WBP4: variants seen among roughly 807,000 people sequenced by gnomAD.
WBP4 encodes the protein WW domain binding protein 4, also known as WW domain-binding protein 4.
WBP4 carries 37 observed loss-of-function variants against 55.4 expected under a neutral mutation model. The ratio of observed to expected loss-of-function variants is 0.67; its 90% confidence interval spans 0.51 to 0.88. The LOEUF (loss-of-function observed/expected upper bound fraction) is 0.88, where lower values mean the gene tolerates loss of function less well. Among genes scored for constraint, WBP4 ranks in the 40% least tolerant of loss-of-function variants. The probability of loss-of-function intolerance (pLI) is 0.00; values close to 1 mark genes in which losing one functional copy is unlikely to be tolerated. For missense variants in WBP4, 398 were observed against 420.8 expected, an observed-to-expected ratio of 0.95 and a Z score of 0.47; for synonymous variants, 142 against 140.2, an observed-to-expected ratio of 1.01 and a Z score of -0.09.
Position 41,080,728 on chromosome 13 carries a change from C to G in WBP4, c.839C>G (p.Ser280Ter). Residue 280 changes from serine (S) to a stop codon, truncating the protein, a stop_gained, in exon 9 of 10, where the codon TCA becomes TGA. Transcript: ENST00000379487. LOFTEE classifies it high-confidence loss of function. ...ATTCAGAAACAGAATTCATTAGGTT[C>G]AAATGAAGAAAAATCGAAAACTCTT... is the stretch of plus-strand genomic sequence containing the variant. Reference protein sequence around the residue: ...KSIQKQNSLGSNEEKSKTLKK... With the variant: ...KSIQKQNSLG The G allele has an allele frequency of 6.2e-7, 1 of 1,607,472 alleles. No individual in the cohort carries two copies. The highest frequency in any genetic ancestry group is 8.5e-7 in the Non-Finnish European group (1 of 1,178,374).
At chr13:41,071,131 T>C (rs1878227404) in intron 5 of WBP4, among the ~76,000 whole-genome samples, 1 of 152,228 alleles carries the variant, frequency 6.6e-6, no homozygotes, top group South Asian at 2.1e-4. Context: ...CCATGATACA[T>C]GTTTTTAATT....
intron 1 of WBP4, among the ~76,000 whole-genome samples, chr13:41,061,940 G>T (rs1284399866): frequency 6.6e-6 from 1 of 151,972 alleles, no homozygotes; most frequent in Non-Finnish European, 1.5e-5. Context: ...GGACGGCCGC[G>T]GGTGAAGCGA....
At chr13:41,062,096 G>GTTTTTT (rs60658317) in intron 1 of WBP4, 3,762 of 800,690 alleles carry the variant, frequency 4.7e-3, no homozygotes, top group Non-Finnish European at 5.0e-3. Context: ...TAGCGTAATG[G>GTTTTTT]TTTTTTTTTT....
rs1224739399 is a variant in WBP4, at chr13:41,083,110, A to G, written c.*196A>G. On this transcript the variant is annotated 3_prime_UTR_variant, in exon 10 of 10. Transcript: ENST00000379487. ...CTAAAATGGAAGCCTACCACATTGC[A>G]TTGTAATACAGTGTATTATGTTCAG... 1.8e-6 allele frequency: 1 copy of G among 555,632 alleles called. No individual in the cohort carries two copies. Among genetic ancestry groups the G allele is most frequent in the Non-Finnish European group, 3.1e-6 (1 of 318,904 alleles). The allele number at this position is 555,632 out of a possible 1,614,324, so 34.4% of individuals were successfully genotyped here. A position where few individuals can be genotyped will look rare whatever the true frequency, so the allele number is the denominator to read the frequency against.
chr13:41,076,546 G>C (rs1313082024), intron 8 of WBP4, among the ~76,000 whole-genome samples: 1 of 152,074 alleles, frequency 6.6e-6, no homozygotes, highest in Non-Finnish European at 1.5e-5. Context: ...GTCCCAAAGT[G>C]CTGGGATTAC....
At chr13:41,071,596 GTT>G in intron 6 of WBP4, 23 bp downstream of exon 6, 18 of 1,584,390 alleles carry the variant, frequency 1.1e-5, no homozygotes, top group Non-Finnish European at 1.5e-5. Context: ...TATTAATAGT[GTT>G]TTTGTTTTAT....
chr13:41,062,372 A>G (rs1036173988), intron 1 of WBP4: 5 of 870,194 alleles, frequency 5.7e-6, no homozygotes, highest in Admixed American at 6.2e-5. Flanking sequence ...TTAGTTTTTC[A>G]TAACGATGAC....
In WBP4 at chr13:41,062,113, T is replaced by G. The variant is rs550105448; in HGVS notation, c.2+438T>G. ...GCGTAATGGTTTTTTTTTTTTTTTT[T>G]TTTTTTTTTTTGTCGGCCGTCTACG... On this transcript the variant is annotated intron_variant, in intron 1 of 9. Coordinates refer to ENST00000379487, the MANE Select transcript of WBP4 (RefSeq NM_007187.5). 91 of 973,452 alleles carry G rather than the reference T, an allele frequency of 9.3e-5. 1 individual carries two copies. The East Asian group carries it at 6.1e-3, about 65-fold the overall frequency. The allele number at this position is 973,452 out of a possible 1,614,324, so 60.3% of individuals were successfully genotyped here.
At chr13:41,077,018 AC>A (rs1187629568) in intron 8 of WBP4, among the ~76,000 whole-genome samples, 1 of 152,216 alleles carries the variant, frequency 6.6e-6, no homozygotes, top group Non-Finnish European at 1.5e-5. Context: ...AACAACAACA[AC>A]AAAAAAATAC....
chr13:41,081,516 A>G (rs1878778092), intron 9 of WBP4, among the ~76,000 whole-genome samples: 3 of 150,640 alleles, frequency 2.0e-5, no homozygotes, highest in Non-Finnish European at 4.4e-5. Context: ...AAAAAAAAAA[A>G]AAAATGTAAA....
intron 7 of WBP4, among the ~76,000 whole-genome samples, chr13:41,074,021 C>T (rs891171531): frequency 1.3e-5 from 2 of 151,576 alleles, no homozygotes; most frequent in Admixed American, 6.6e-5. Context: ...GGCTCTGCCC[C>T]CTGGGGTTCA....
intron 6 of WBP4, among the ~76,000 whole-genome samples, chr13:41,072,185 A>G (rs1878281830): frequency 6.6e-6 from 1 of 152,122 alleles, no homozygotes; most frequent in Non-Finnish European, 1.5e-5. Flanking sequence ...CAAAGGTGAG[A>G]CATCCACTGC....
intron 9 of WBP4, among the ~76,000 whole-genome samples, chr13:41,081,066 A>G (rs1176665689): frequency 6.6e-6 from 1 of 152,106 alleles, no homozygotes; most frequent in Non-Finnish European, 1.5e-5. Context: ...GTGTGGTGGC[A>G]TGTAGCTGTG....
intron 2 of WBP4, among the ~76,000 whole-genome samples, chr13:41,063,466 G>T (rs945896133): frequency 3.0e-5 from 4 of 133,140 alleles, no homozygotes; most frequent in Admixed American, 8.4e-5. Flanking sequence ...AAGGTGTTTA[G>T]GATTTGGATT....
intron 6 of WBP4, among the ~76,000 whole-genome samples, chr13:41,072,359 T>C (rs902687802): frequency 2.0e-5 from 3 of 152,204 alleles, no homozygotes; most frequent in African/African-American, 4.8e-5. Flanking sequence ...CTCACAGTTA[T>C]GCAGGCTGTA....
intron 6 of WBP4, 152 bp downstream of exon 6, chr13:41,071,725 G>T: frequency 1.4e-6 from 1 of 695,264 alleles, no homozygotes; most frequent in Non-Finnish European, 2.4e-6. Context: ...TAATGCTTTT[G>T]TTAGAAGGCT....
intron 2 of WBP4, among the ~76,000 whole-genome samples, chr13:41,063,656 C>T (rs1047796021): frequency 6.6e-6 from 1 of 151,808 alleles, no homozygotes; most frequent in Non-Finnish European, 1.5e-5. Flanking sequence ...GTAAGTAATC[C>T]CTTCCAGTGT....
rs538839142 is a variant in WBP4 at position 41,070,607 on chromosome 13, A to G, written c.440-920A>G. Among the ~76,000 whole-genome samples, 249 of 152,206 alleles carry G rather than the reference A, an allele frequency of 1.6e-3. 1 individual carries two copies. The highest frequency in any genetic ancestry group is 2.7e-3 in the Non-Finnish European group (183 of 68,018). On this transcript the variant is annotated intron_variant, in intron 5 of 9. Coordinates refer to ENST00000379487, the MANE Select transcript of WBP4 (RefSeq NM_007187.5). ...TATGAGGTACCTACAGAATATTCATATGACAGCTTTTGGTAGCTAATTGAT... is the reference window on the plus strand; with the variant it reads ...TATGAGGTACCTACAGAATATTCATGTGACAGCTTTTGGTAGCTAATTGAT...
intron 4 of WBP4, among the ~76,000 whole-genome samples, chr13:41,068,186 C>CT (rs1878063344): frequency 6.6e-6 from 1 of 152,040 alleles, no homozygotes; most frequent in South Asian, 2.1e-4. Context: ...TTGAAAACCT[C>CT]TTTTTTTAAT....
Sources: allele counts gnomAD v4.1 joint callset (sites outside exome capture counted in the v4.1 genomes callset), GRCh38; gene constraint gnomAD v4.1.1; transcripts MANE v1.5; gene names NCBI Gene and HGNC (gene_info 2026-07-23, HGNC 2026-07-21).